LRRC14: variants seen among roughly 807,000 people sequenced by gnomAD.
LRRC14 encodes leucine-rich repeat-containing protein 14.
LRRC14 carries 16 observed loss-of-function variants against 25.3 expected under a neutral mutation model. The observed-to-expected ratio is 0.63, with a 90% CI of 0.43 to 0.96. The LOEUF (loss-of-function observed/expected upper bound fraction) is 0.96, where lower values mean the gene tolerates loss of function less well. Among genes scored for constraint, LRRC14 ranks in the 40% least tolerant of loss-of-function variants. LRRC14 has a pLI of 0.00. For missense variants in LRRC14, 594 were observed against 660.5 expected (o/e 0.90, Z 1.10); for synonymous variants, 359 against 295.1 (o/e 1.22, Z -2.22).
chr8:144,523,422 A>G lies in LRRC14; in HGVS notation c.*1944A>G. 6.6e-7 allele frequency: 1 copy of G among 1,515,130 alleles called. No homozygotes were observed. The highest frequency in any genetic ancestry group is 8.8e-7 in the Non-Finnish European group (1 of 1,132,736). The allele number at this position is 1,515,130 out of a possible 1,614,324, so 93.9% of individuals were successfully genotyped here. On this transcript the variant is annotated 3_prime_UTR_variant, in exon 4 of 4. Transcript: ENST00000292524. ...CGCCATGGGTTCTCTGTGGGAGAGCAGCGTTAGGCAGGTGGCTTGAGGGTG... is the reference window on the plus strand; with the variant it reads ...CGCCATGGGTTCTCTGTGGGAGAGCGGCGTTAGGCAGGTGGCTTGAGGGTG...
Position 144,519,947 on chromosome 8 carries a change from C to T in LRRC14, c.222C>T (p.Ala74=), listed in dbSNP as rs760940602. The stretch of plus-strand genomic sequence containing the variant: ...AGGAGTGTGCCCACTGCAGCCGTGC[C>T]CTCCTGCAGGAGCGGCCTAGCACTG... ...LLQECAHCSR[A]LLQERPSTES... is the part of the protein sequence containing the mutation. The change falls in exon 2 of 4, where the codon GCC becomes GCT. Residue 74 remains alanine (A), a synonymous_variant. Transcript: ENST00000292524. 4.3e-6 allele frequency: 7 copies of T among 1,613,218 alleles called. No individual in the cohort carries two copies. Among genetic ancestry groups the T allele is most frequent in the Non-Finnish European group, 5.9e-6 (7 of 1,180,018 alleles).
chr8:144,522,441 C>T lies in LRRC14; in HGVS notation c.*963C>T, dbSNP rs1340598227. ...CATGCGCGAGGCCGCACCGGCCAAT[C>T]TCCGGCGCCCACGTCATCCGCGCGC... is the stretch of plus-strand genomic sequence containing the variant. On this transcript the variant is annotated 3_prime_UTR_variant, in exon 4 of 4. Transcript: ENST00000292524. 15 of 1,389,200 alleles carry T rather than the reference C, an allele frequency of 1.1e-5. No homozygotes were observed. Among genetic ancestry groups the T allele is most frequent in the South Asian group, 1.6e-5 (1 of 61,736 alleles). 86.1% of individuals were successfully genotyped at this position (1,389,200 alleles called of 1,614,324 possible). A position where few individuals can be genotyped will look rare whatever the true frequency, so the allele number is the denominator to read the frequency against.
At position 144,519,947 on chromosome 8, in the gene LRRC14, C is replaced by G; in HGVS notation, c.222C>G (p.Ala74=). The change falls in exon 2 of 4, where the codon GCC becomes GCG. Residue 74 remains alanine, a synonymous_variant. Transcript: ENST00000292524. The stretch of plus-strand genomic sequence containing the variant: ...AGGAGTGTGCCCACTGCAGCCGTGC[C>G]CTCCTGCAGGAGCGGCCTAGCACTG... ...LLQECAHCSR[A]LLQERPSTES... is the part of the protein sequence containing the mutation. The G allele has an allele frequency of 6.2e-7, 1 of 1,613,218 alleles. No individual in the cohort carries two copies. The highest frequency in any genetic ancestry group is 8.5e-7 in the Non-Finnish European group (1 of 1,180,018).
Position 144,520,553 on chromosome 8 carries a change from G to T in LRRC14, c.645G>T (p.Gln215His). The T allele has an allele frequency of 6.2e-7, 1 of 1,600,072 alleles. No individual in the cohort carries two copies. ...LPMRNTVALL[Q>H]LLDAGCLRRV... ...TGCGCAACACTGTGGCCCTGCTGCA[G>T]CTTCTGGATGCAGGCTGCCTGCGCC... Residue 215 changes from glutamine (Q) to histidine (H), a missense_variant, in exon 3 of 4, where the codon CAG becomes CAT. By Grantham distance (24) the Gln-to-His change is conservative. Transcript: ENST00000292524.
rs749943770 is a variant in LRRC14 at position 144,522,526 on chromosome 8, C to A, written c.*1048C>A. ...GCGGGGGCACGCGGAGTCCCGGCCC[C>A]GCCCCCTGTTCCGGGCCGCAGTCAG... On this transcript the variant is annotated 3_prime_UTR_variant, in exon 4 of 4. Coordinates refer to ENST00000292524, the MANE Select transcript of LRRC14 (RefSeq NM_014665.4). 4.6e-6 allele frequency: 7 copies of A among 1,515,660 alleles called. No individual in the cohort carries two copies. Among genetic ancestry groups the A allele is most frequent in the Non-Finnish European group, 4.4e-6 (5 of 1,134,676 alleles). 93.9% of individuals were successfully genotyped at this position (1,515,660 alleles called of 1,614,324 possible). A position where few individuals can be genotyped will look rare whatever the true frequency, so the allele number is the denominator to read the frequency against.
chr8:144,518,899 C>T (rs1278234033), intron 1 of LRRC14: 2 of 152,324 alleles, frequency 1.3e-5, no homozygotes, highest in East Asian at 1.9e-4. Flanking sequence ...TCTGAGCAGT[C>T]TGTAGCTTTG....
chr8:144,524,722 G>A lies in LRRC14; in HGVS notation c.*3244G>A. On this transcript the variant is annotated 3_prime_UTR_variant, in exon 4 of 4. Coordinates refer to ENST00000292524, the MANE Select transcript of LRRC14 (RefSeq NM_014665.4). Reference sequence around the variant, plus strand: ...TTGTTGTCCTGCAGGAACAGTGTCTGCAGGCCGGGGAAAGAGGAGGCGCTT... The same window carrying A: ...TTGTTGTCCTGCAGGAACAGTGTCTACAGGCCGGGGAAAGAGGAGGCGCTT... 1 of 1,447,382 alleles carries A rather than the reference G, an allele frequency of 6.9e-7. No individual in the cohort carries two copies. Among genetic ancestry groups the A allele is most frequent in the Non-Finnish European group, 9.0e-7 (1 of 1,107,606 alleles). 89.7% of individuals were successfully genotyped at this position (1,447,382 alleles called of 1,614,324 possible). A position where few individuals can be genotyped will look rare whatever the true frequency, so the allele number is the denominator to read the frequency against.
chr8:144,523,553 C>A lies in LRRC14; in HGVS notation c.*2075C>A, dbSNP rs536485910. 1.4e-4 allele frequency: 185 copies of A among 1,309,052 alleles called. No homozygotes were observed. The highest frequency in any genetic ancestry group is 1.7e-4 in the Non-Finnish European group (177 of 1,018,206). 81.1% of individuals were successfully genotyped at this position (1,309,052 alleles called of 1,614,324 possible). ...GGAGTCCAAGGCCCTGCCACCCCTT[C>A]CTTGACCCCAAGCTCCTTGGGGCGG... On this transcript the variant is annotated 3_prime_UTR_variant, in exon 4 of 4. Coordinates refer to ENST00000292524, the MANE Select transcript of LRRC14 (RefSeq NM_014665.4).
rs202236264 is a variant in LRRC14, at chr8:144,520,741, C to T, written c.833C>T (p.Ala278Val). 6.9e-6 allele frequency: 11 copies of T among 1,598,884 alleles called. No individual in the cohort carries two copies. Among genetic ancestry groups the T allele is most frequent in the South Asian group, 2.2e-5 (2 of 91,090 alleles). ...GAGGACAACTTCCGCTACTTCCTTG[C>T]CCAGATGGGCCGCTTCACCTGTCTG... The part of the protein sequence containing the change: ...DGEDNFRYFL[A>V]QMGRFTCLRE... The change falls in exon 3 of 4, where the codon GCC becomes GTC. Residue 278 changes from alanine (A) to valine (V), a missense_variant. Coordinates refer to ENST00000292524, the MANE Select transcript of LRRC14 (RefSeq NM_014665.4).
Position 144,520,414 on chromosome 8 carries a change from T to G in LRRC14, c.506T>G (p.Val169Gly). 6.2e-7 allele frequency: 1 copy of G among 1,603,720 alleles called. No individual in the cohort carries two copies. Among genetic ancestry groups the G allele is most frequent in the Non-Finnish European group, 8.5e-7 (1 of 1,176,446 alleles). ...GCCCCCATCCCCGTGGAGGTGCGCGTGGACCTGCGGGTGAACCGGGCCTCC... is the reference window on the plus strand; with the variant it reads ...GCCCCCATCCCCGTGGAGGTGCGCGGGGACCTGCGGGTGAACCGGGCCTCC... ...GPAPIPVEVRVDLRVNRASYA... is the reference protein window; with the variant it reads ...GPAPIPVEVRGDLRVNRASYA... Residue 169 changes from valine (V) to glycine (G), a missense_variant, in exon 3 of 4, where the codon GTG becomes GGG. Coordinates refer to ENST00000292524, the MANE Select transcript of LRRC14 (RefSeq NM_014665.4).
At position 144,520,944 on chromosome 8, in the gene LRRC14, G is replaced by C; in HGVS notation, c.948G>C (p.Leu316Phe). ...AGAGCCCCCTGGAGAGCCTGGAGTT[G>C]GCCTTCTGTGCTCTGCTGCCTGAGG... ...TLQSPLESLE[L>F]AFCALLPEDL... is the part of the protein sequence containing the mutation. The change falls in exon 4 of 4, where the codon TTG becomes TTC. Residue 316 changes from leucine (L) to phenylalanine (F), a missense_variant. Physicochemically the swap from Leu to Phe is conservative, Grantham distance 22. Coordinates refer to ENST00000292524, the MANE Select transcript of LRRC14 (RefSeq NM_014665.4). 1 of 1,612,670 alleles carries C rather than the reference G, an allele frequency of 6.2e-7. No individual in the cohort carries two copies. Among genetic ancestry groups the C allele is most frequent in the South Asian group, 1.1e-5 (1 of 91,084 alleles).
In LRRC14 at chr8:144,523,570, T is replaced by G; in HGVS notation, c.*2092T>G. The G allele has an allele frequency of 1.7e-6, 2 of 1,207,542 alleles. No individual in the cohort carries two copies. Among genetic ancestry groups the G allele is most frequent in the Non-Finnish European group, 2.1e-6 (2 of 932,652 alleles). The allele number at this position is 1,207,542 out of a possible 1,614,324, so 74.8% of individuals were successfully genotyped here. On this transcript the variant is annotated 3_prime_UTR_variant, in exon 4 of 4. Coordinates refer to ENST00000292524, the MANE Select transcript of LRRC14 (RefSeq NM_014665.4). ...CACCCCTTCCTTGACCCCAAGCTCC[T>G]TGGGGCGGCAGGCCCTTCACCCTCG...
rs567402720 is a variant in LRRC14, at chr8:144,523,148, A to G, written c.*1670A>G. ...CTGGGGCACCTTTCTCCAGGTCACC[A>G]ATGGCTGCGGGTAGCCGGAGGCTTG... On this transcript the variant is annotated 3_prime_UTR_variant, in exon 4 of 4. Transcript: ENST00000292524. The G allele has an allele frequency of 7.0e-5, 113 of 1,610,878 alleles. No homozygotes were observed. The highest frequency in any genetic ancestry group is 9.4e-5 in the Non-Finnish European group (111 of 1,179,458).
In LRRC14 at chr8:144,524,697, T is replaced by A. The variant is rs1003796114; in HGVS notation, c.*3219T>A. 1.7e-5 allele frequency: 25 copies of A among 1,465,888 alleles called. No homozygotes were observed. Among genetic ancestry groups the A allele is most frequent in the Non-Finnish European group, 2.1e-5 (24 of 1,119,176 alleles). The allele number at this position is 1,465,888 out of a possible 1,614,324, so 90.8% of individuals were successfully genotyped here. A position where few individuals can be genotyped will look rare whatever the true frequency, so the allele number is the denominator to read the frequency against. ...GGCTCCCGGCTCTAGGCGGGCGATG[T>A]TGTTGTCCTGCAGGAACAGTGTCTG... is the stretch of plus-strand genomic sequence containing the variant. On this transcript the variant is annotated 3_prime_UTR_variant, in exon 4 of 4. Transcript: ENST00000292524.
Position 144,519,762 on chromosome 8 carries a change from C to T in LRRC14, c.37C>T (p.Leu13=). 6.2e-7 allele frequency: 1 copy of T among 1,612,772 alleles called. No homozygotes were observed. ...TLVFLSTRQV[L]QCQPAACQAL... ...TGTGTTCTTGAGCACACGGCAGGTG[C>T]TGCAGTGCCAGCCAGCTGCCTGCCA... Residue 13 remains leucine, a synonymous_variant, in exon 2 of 4, where the codon CTG becomes TTG. Transcript: ENST00000292524.
rs1816052021 is a variant in LRRC14 at position 144,521,465 on chromosome 8, ACTT to A, written c.1471_1473del (p.Phe491del). On this transcript the variant is annotated inframe_deletion, in exon 4 of 4. Transcript: ENST00000292524. ...ATCTACGGGCGACTGGCTGCGGACT[ACTT>A]CAGCCTATGATGAAGTAGCTCTGGG... 1.3e-6 allele frequency: 2 copies of A among 1,599,398 alleles called. No individual in the cohort carries two copies. Among genetic ancestry groups the A allele is most frequent in the Admixed American group, 3.3e-5 (2 of 59,932 alleles).
In LRRC14 at chr8:144,523,269, C is replaced by A; in HGVS notation, c.*1791C>A. The A allele has an allele frequency of 6.2e-7, 1 of 1,610,824 alleles. No individual in the cohort carries two copies. The highest frequency in any genetic ancestry group is 8.5e-7 in the Non-Finnish European group (1 of 1,179,132). On this transcript the variant is annotated 3_prime_UTR_variant, in exon 4 of 4. Coordinates refer to ENST00000292524, the MANE Select transcript of LRRC14 (RefSeq NM_014665.4). ...ATGCAGATGAGGCTGCTGTGGGATA[C>A]GTCCAGGAGACTCTGGAGCGCCAGG...
rs1332207319 is a variant in LRRC14, at chr8:144,519,928, G to A, written c.203G>A (p.Cys68Tyr). 1.2e-6 allele frequency: 2 copies of A among 1,613,272 alleles called. No homozygotes were observed. Among genetic ancestry groups the A allele is most frequent in the South Asian group, 2.2e-5 (2 of 91,084 alleles). The change falls in exon 2 of 4, where the codon TGT becomes TAT. Residue 68 changes from cysteine (C) to tyrosine (Y), a missense_variant. Transcript: ENST00000292524. ...AGTTTCCAGCAGCTGCTACAGGAGT[G>A]TGCCCACTGCAGCCGTGCCCTCCTG... ...LLSFQQLLQE[C>Y]AHCSRALLQE...
chr8:144,523,357 C>G lies in LRRC14; in HGVS notation c.*1879C>G. 6.3e-7 allele frequency: 1 copy of G among 1,581,402 alleles called. No homozygotes were observed. The highest frequency in any genetic ancestry group is 2.3e-5 in the East Asian group (1 of 44,326). Reference sequence around the variant, plus strand: ...AGGTGAGCAGCCGCTGGCCGCCCTCCTTGATCCAGGCACCCAGCCAGTGCA... The same window carrying G: ...AGGTGAGCAGCCGCTGGCCGCCCTCGTTGATCCAGGCACCCAGCCAGTGCA... On this transcript the variant is annotated 3_prime_UTR_variant, in exon 4 of 4. Transcript: ENST00000292524.
Sources: allele counts gnomAD v4.1 joint callset, GRCh38; gene constraint gnomAD v4.1.1; transcripts MANE v1.5; gene names NCBI Gene and HGNC (gene_info 2026-07-23, HGNC 2026-07-21).